Variants in PTPRD observed in about 807,000 individuals in gnomAD.
PTPRD encodes protein tyrosine phosphatase receptor type D.
A neutral mutation model predicts 214.5 loss-of-function variants in PTPRD; 34 were observed. That is an observed-to-expected ratio of 0.16 (90% CI 0.12 to 0.21). The LOEUF is 0.21. Ranked by LOEUF, PTPRD falls within the 10% of genes least tolerant of loss-of-function variation. The pLI is 1.00. For missense variants in PTPRD, 2,545 were observed against 2,398.7 expected (o/e 1.06, Z -1.27); for synonymous variants, 1,128 against 845.7 (o/e 1.33, Z -5.79).
chr9:10,367,106 T>G (rs1359091), intron 2 of PTPRD, among the ~76,000 whole-genome samples: 65,220 of 150,662 alleles, frequency 0.43, 17,766 homozygotes, highest in Non-Finnish European at 0.61. Flanking sequence ...GACCTGTGCC[T>G]TATATATCCT....
intron 8 of PTPRD, among the ~76,000 whole-genome samples, chr9:9,570,354 A>G (rs1343988278): frequency 6.6e-6 from 1 of 151,468 alleles, no homozygotes; most frequent in East Asian, 1.9e-4. Flanking sequence ...TGTTACTTGT[A>G]TGTCGTTTAA....
In PTPRD at chr9:8,375,971, G is replaced by A. The variant is rs2134805321; in HGVS notation, c.4626C>T (p.Asn1542=). The A allele has an allele frequency of 1.2e-6, 2 of 1,612,796 alleles. No homozygotes were observed. Among genetic ancestry groups the A allele is most frequent in the Non-Finnish European group, 8.5e-7 (1 of 1,179,184 alleles). ...CAACCATCGGACCAGCATCGGGAGG[G>A]TTACAGGTTTTGACTCTACGTAAGA... ...LAFLRRVKTC[N]PPDAGPMVVH... The change falls in exon 39 of 46, where the codon AAC becomes AAT. Residue 1542 remains asparagine, a synonymous_variant. Coordinates refer to ENST00000381196, the MANE Select transcript of PTPRD (RefSeq NM_002839.4).
At chr9:10,496,421 CTATT>C (rs1566516729) in intron 2 of PTPRD, among the ~76,000 whole-genome samples, 2 of 140,440 alleles carry the variant, frequency 1.4e-5, no homozygotes, top group Non-Finnish European at 1.6e-5. Context: ...ATTTATTAAA[CTATT>C]TAGCAGCTAA....
At chr9:8,538,929 G>A (rs917360110) in intron 14 of PTPRD, among the ~76,000 whole-genome samples, 13 of 151,590 alleles carry the variant, frequency 8.6e-5, no homozygotes, top group African/African-American at 2.9e-4. Context: ...ATTAGGACTG[G>A]AACAAGCAAA....
chr9:9,137,867 G>C (rs946460874), intron 10 of PTPRD, among the ~76,000 whole-genome samples: 2 of 152,128 alleles, frequency 1.3e-5, no homozygotes, highest in East Asian at 3.9e-4. Context: ...CCCAATTCAG[G>C]TCTAAATAAT....
chr9:8,516,151 T>C (rs955253536), intron 21 of PTPRD, among the ~76,000 whole-genome samples: 2 of 152,322 alleles, frequency 1.3e-5, no homozygotes, highest in African/African-American at 4.8e-5. Context: ...AATCTCATAA[T>C]AGTTAACCAC....
chr9:10,160,147 A>T (rs1788359109), intron 3 of PTPRD, among the ~76,000 whole-genome samples: 1 of 152,056 alleles, frequency 6.6e-6, no homozygotes, highest in African/African-American at 2.4e-5. Flanking sequence ...GTAGAGAATG[A>T]TATTCCATAC....
At chr9:9,429,056 A>C (rs370921945) in intron 8 of PTPRD, among the ~76,000 whole-genome samples, 2 of 152,218 alleles carry the variant, frequency 1.3e-5, no homozygotes, top group Non-Finnish European at 2.9e-5. Flanking sequence ...CTAAGATCAG[A>C]GCAGAACTGA....
At chr9:9,202,291 C>T (rs901752176) in intron 9 of PTPRD, among the ~76,000 whole-genome samples, 30 of 152,130 alleles carry the variant, frequency 2.0e-4, no homozygotes, top group African/African-American at 6.0e-4. Context: ...CAGATTAACC[C>T]GAAGTCCCTA....
intron 3 of PTPRD, among the ~76,000 whole-genome samples, chr9:10,071,887 T>C (rs1044424772): frequency 6.6e-6 from 1 of 152,020 alleles, no homozygotes; most frequent in African/African-American, 2.4e-5. Context: ...TATGTTTCTG[T>C]ATCTTGCTTC....
At chr9:9,021,964 G>A (rs1009315142) in intron 10 of PTPRD, among the ~76,000 whole-genome samples, 36 of 150,670 alleles carry the variant, frequency 2.4e-4, no homozygotes, top group Admixed American at 6.0e-4. Context: ...CACACACTGG[G>A]ACATGTAGCG....
chr9:9,152,724 T>C (rs1418495521), intron 10 of PTPRD, among the ~76,000 whole-genome samples: 1 of 152,192 alleles, frequency 6.6e-6, no homozygotes, highest in African/African-American at 2.4e-5. Context: ...GTGGTTTCTT[T>C]TGGGCCTTGG....
At chr9:8,919,804 A>C (rs905097588) in intron 11 of PTPRD, among the ~76,000 whole-genome samples, 1 of 136,858 alleles carries the variant, frequency 7.3e-6, no homozygotes, top group Non-Finnish European at 1.7e-5. Context: ...ATACACATGC[A>C]AGTGCACATA....
In PTPRD at chr9:8,766,836, T is replaced by A. The variant is rs982915800; in HGVS notation, c.-103-32890A>T. Reference sequence around the variant, plus strand: ...AAGTGTTTATTTAGAAGTTTCGTGATGTGTTTGTGACCAGACATATGCCAT... The same window carrying A: ...AAGTGTTTATTTAGAAGTTTCGTGAAGTGTTTGTGACCAGACATATGCCAT... On this transcript the variant is annotated intron_variant, in intron 11 of 45. Coordinates refer to ENST00000381196, the MANE Select transcript of PTPRD (RefSeq NM_002839.4). Among the ~76,000 whole-genome samples the A allele has an allele frequency of 2.6e-5, 4 of 152,334 alleles. No individual in the cohort carries two copies. In the South Asian group the frequency reaches 8.3e-4, roughly 32 times the overall value.
intron 35 of PTPRD, among the ~76,000 whole-genome samples, chr9:8,418,146 G>C (rs1282469539): frequency 6.6e-6 from 1 of 151,792 alleles, no homozygotes. Flanking sequence ...GTTTTCCTCT[G>C]TCCATGTCTG....
rs2098533139 is a variant in PTPRD at position 8,890,867 on chromosome 9, G to A, written c.-104+127830C>T. Among the ~76,000 whole-genome samples, 3 of 152,262 alleles carry A rather than the reference G, an allele frequency of 2.0e-5. No individual in the cohort carries two copies. The South Asian group carries it at 6.2e-4, about 32-fold the overall frequency. On this transcript the variant is annotated intron_variant, in intron 11 of 45. Coordinates refer to ENST00000381196, the MANE Select transcript of PTPRD (RefSeq NM_002839.4). Reference sequence around the variant, plus strand: ...GAAAGCAGGCTAAAAATGAGGGCGTGAGAAGGCCACGTTCAGCAGCTGCCT... The same window carrying A: ...GAAAGCAGGCTAAAAATGAGGGCGTAAGAAGGCCACGTTCAGCAGCTGCCT...
chr9:9,787,182 T>A (rs1469310263), intron 5 of PTPRD, among the ~76,000 whole-genome samples: 2 of 151,856 alleles, frequency 1.3e-5, no homozygotes, highest in Non-Finnish European at 2.9e-5. Context: ...AAATCAATTT[T>A]ATTTCTCATT....
rs2132345421 is a variant in PTPRD, at chr9:8,340,347, C to T, written c.5249G>A (p.Gly1750Asp). 1.2e-6 allele frequency: 2 copies of T among 1,606,606 alleles called. No individual in the cohort carries two copies. Among genetic ancestry groups the T allele is most frequent in the Non-Finnish European group, 1.7e-6 (2 of 1,174,666 alleles). Residue 1750 changes from glycine to aspartate, a missense_variant, in exon 42 of 46, where the codon GGC becomes GAC. Physicochemically the swap from Gly to Asp is moderately conservative, Grantham distance 94. Transcript: ENST00000381196. Reference sequence around the variant, plus strand: ...ACACAAGGGCCACACACTTACTCTGCCCATTTCACGCAGCTTGGTGAGCAT... The same window carrying T: ...ACACAAGGGCCACACACTTACTCTGTCCATTTCACGCAGCTTGGTGAGCAT... ...VVMLTKLREMGREKCHQYWPA... is the reference protein window; with the variant it reads ...VVMLTKLREMDREKCHQYWPA...
At chr9:8,467,362 A>G (rs75211869) in intron 31 of PTPRD, among the ~76,000 whole-genome samples, 591 of 151,908 alleles carry the variant, frequency 3.9e-3, no homozygotes, top group Middle Eastern at 0.031. Flanking sequence ...TTTACTTATA[A>G]TACTGATAAT....
Sources: gnomAD v4.1 joint callset for allele counts (sites outside exome capture counted in the v4.1 genomes callset) on GRCh38, gnomAD v4.1.1 for gene constraint, MANE v1.5 for transcripts, NCBI Gene and HGNC (gene_info 2026-07-23, HGNC 2026-07-21) for gene names.